RAB27B: variants seen among roughly 807,000 people sequenced by gnomAD.
The protein encoded by RAB27B is ras-related protein Rab-27B.
In RAB27B, 15 loss-of-function variants were observed where a neutral mutation model predicts 24.6. That is an observed-to-expected ratio of 0.61 (90% confidence interval 0.41 to 0.94). RAB27B has a LOEUF of 0.94. Ranked by LOEUF, RAB27B falls within the 40% of genes least tolerant of loss-of-function variation. RAB27B has a pLI of 0.00. For synonymous variants in RAB27B, 105 were observed against 92.5 expected (o/e 1.14, Z -0.78); for missense variants, 261 against 266.8 (o/e 0.98, Z 0.15).
At chr18:54,854,915 T>C (rs946317879) in intron 1 of RAB27B, among the ~76,000 whole-genome samples, 4 of 152,150 alleles carry the variant, frequency 2.6e-5, no homozygotes, top group Admixed American at 2.6e-4. Flanking sequence ...CAGACTGGGA[T>C]TGGGGGATGG....
intron 2 of RAB27B, among the ~76,000 whole-genome samples, chr18:54,782,187 T>C (rs1908939145): frequency 6.6e-6 from 1 of 152,238 alleles, no homozygotes; most frequent in Admixed American, 6.5e-5. Flanking sequence ...TCCTGCACAA[T>C]GTGCAGTTGT....
chr18:54,793,487 G>A (rs1264710597), intron 2 of RAB27B, among the ~76,000 whole-genome samples: 1 of 49,308 alleles, frequency 2.0e-5, no homozygotes, highest in Non-Finnish European at 3.8e-5. Context: ...ACAGTCAACA[G>A]AGAGAGAGAG....
intron 2 of RAB27B, among the ~76,000 whole-genome samples, chr18:54,787,766 T>C (rs2145104578): frequency 6.6e-6 from 1 of 152,106 alleles, no homozygotes; most frequent in Admixed American, 6.5e-5. Context: ...TGCCAATCAC[T>C]AGTGAGATGG....
At chr18:54,746,244 C>A (rs1257689907) in intron 2 of RAB27B, among the ~76,000 whole-genome samples, 1 of 152,128 alleles carries the variant, frequency 6.6e-6, no homozygotes, top group Non-Finnish European at 1.5e-5. Context: ...GCAAGAATAT[C>A]CATAAGTTAG....
intron 2 of RAB27B, among the ~76,000 whole-genome samples, chr18:54,737,947 C>A (rs1185746213): frequency 6.6e-6 from 1 of 151,936 alleles, no homozygotes; most frequent in Non-Finnish European, 1.5e-5. Context: ...AAACTTGTGA[C>A]AAAGTTGAAC....
chr18:54,889,208 A>G lies in RAB27B; in HGVS notation c.468-16A>G, dbSNP rs1186166739. The G allele has an allele frequency of 1.3e-6, 2 of 1,589,302 alleles. No individual in the cohort carries two copies. The highest frequency in any genetic ancestry group is 2.2e-5 in the East Asian group (1 of 44,504). On this transcript the variant is annotated splice_polypyrimidine_tract_variant and intron_variant, in intron 5 of 5. Coordinates refer to ENST00000262094, the MANE Select transcript of RAB27B (RefSeq NM_004163.4). ...TTTCTTCCTCTCAAAAATATTTGCC[A>G]TCCTTTCTATGCTAGCATACCATAT...
intron 1 of RAB27B, among the ~76,000 whole-genome samples, chr18:54,843,809 A>G (rs1338589535): frequency 6.6e-6 from 1 of 152,224 alleles, no homozygotes; most frequent in African/African-American, 2.4e-5. Flanking sequence ...TGTTTCTTCA[A>G]ATTCTATAAA....
chr18:54,819,168 AATT>A (rs140789539), intron 2 of RAB27B, among the ~76,000 whole-genome samples: 6,205 of 148,012 alleles, frequency 0.042, 158 homozygotes, highest in Middle Eastern at 0.14. Context: ...ATATTAACAT[AATT>A]ATTAATGAAT....
intron 2 of RAB27B, among the ~76,000 whole-genome samples, chr18:54,788,039 T>C (rs1909142305): frequency 6.6e-6 from 1 of 152,226 alleles, no homozygotes; most frequent in African/African-American, 2.4e-5. Flanking sequence ...TAGCACCAGT[T>C]ATGTACATCA....
At chr18:54,780,309 C>A (rs781669264) in intron 2 of RAB27B, among the ~76,000 whole-genome samples, 5 of 43,910 alleles carry the variant, frequency 1.1e-4, no homozygotes, top group Non-Finnish European at 2.4e-4. Flanking sequence ...CAGTGTCTCC[C>A]CCAACCTGAA....
Position 54,894,072 on chromosome 18 carries a change from TATG to T in RAB27B, c.*4662_*4664del, listed in dbSNP as rs1478734125. The T allele has an allele frequency of 2.0e-5, 3 of 151,984 alleles. No homozygotes were observed. The highest frequency in any genetic ancestry group is 3.9e-4 in the East Asian group (2 of 5,186). The allele number at this position is 151,984 out of a possible 1,614,324, so 9.4% of individuals were successfully genotyped here. A position where few individuals can be genotyped will look rare whatever the true frequency, so the allele number is the denominator to read the frequency against. On this transcript the variant is annotated 3_prime_UTR_variant, in exon 6 of 6. Transcript: ENST00000262094. ...ATCTAATTTTTCCATAAATTAGATTTATGATATTTTCATAAAGCACTTGATTAG... is the reference window on the plus strand; with the variant it reads ...ATCTAATTTTTCCATAAATTAGATTTATATTTTCATAAAGCACTTGATTAG...
At chr18:54,723,237 T>C (rs1390271920) in intron 2 of RAB27B, among the ~76,000 whole-genome samples, 2 of 152,192 alleles carry the variant, frequency 1.3e-5, no homozygotes, top group Non-Finnish European at 2.9e-5. Context: ...TTATGAGACC[T>C]TGTGCTGCTA....
At chr18:54,726,790 C>T (rs1328592704) in intron 2 of RAB27B, among the ~76,000 whole-genome samples, 1 of 151,520 alleles carries the variant, frequency 6.6e-6, no homozygotes, top group Non-Finnish European at 1.5e-5. Flanking sequence ...TCTGTAAGGG[C>T]AACTCTACCT....
chr18:54,810,279 T>G (rs1598921278), intron 2 of RAB27B, among the ~76,000 whole-genome samples: 1 of 152,212 alleles, frequency 6.6e-6, no homozygotes, highest in South Asian at 2.1e-4. Flanking sequence ...CCAATAAATT[T>G]GCTCGAATAA....
chr18:54,868,411 A>T (rs1912327803), intron 1 of RAB27B, among the ~76,000 whole-genome samples: 1 of 152,122 alleles, frequency 6.6e-6, no homozygotes, highest in South Asian at 2.1e-4. Flanking sequence ...TGCTTCCTGT[A>T]AAGCCTGCAG....
At chr18:54,809,363 T>C (rs925098832) in intron 2 of RAB27B, among the ~76,000 whole-genome samples, 1 of 152,072 alleles carries the variant, frequency 6.6e-6, no homozygotes, top group African/African-American at 2.4e-5. Context: ...GCTACCCCTA[T>C]AAACCTGGGC....
chr18:54,741,590 C>A (rs1318341216), intron 2 of RAB27B, among the ~76,000 whole-genome samples: 2 of 152,092 alleles, frequency 1.3e-5, no homozygotes, highest in Non-Finnish European at 2.9e-5. Flanking sequence ...GACTCTTGGG[C>A]TCAAGCCATC....
At position 54,809,469 on chromosome 18, in the gene RAB27B, C is replaced by T. The variant is rs117290013; in HGVS notation, c.-19-68098C>T. Among the ~76,000 whole-genome samples the T allele has an allele frequency of 1.5e-3, 232 of 152,214 alleles. 1 individual carries two copies. The highest frequency in any genetic ancestry group is 0.012 in the East Asian group (61 of 5,164). On this transcript the variant is annotated intron_variant, in intron 2 of 4. Coordinates refer to the RAB27B transcript ENST00000586570. ...GTGGGACAGACTTGAACTCAACCTGCGAGGTGAATCCTGGAAACTGGAGCA... is the reference window on the plus strand; with the variant it reads ...GTGGGACAGACTTGAACTCAACCTGTGAGGTGAATCCTGGAAACTGGAGCA...
chr18:54,768,731 G>A (rs1908445981), intron 2 of RAB27B, among the ~76,000 whole-genome samples: 1 of 152,144 alleles, frequency 6.6e-6, no homozygotes, highest in Non-Finnish European at 1.5e-5. Flanking sequence ...GAAGGTAAAG[G>A]AGAAGCAGGC....
Sources: allele counts gnomAD v4.1 joint callset (sites outside exome capture counted in the v4.1 genomes callset), GRCh38; gene constraint gnomAD v4.1.1; transcripts MANE v1.5; gene names NCBI Gene and HGNC (gene_info 2026-07-23, HGNC 2026-07-21).